WDR41: variants seen among roughly 807,000 people sequenced by gnomAD.
The protein encoded by WDR41 is WD repeat domain 41.
In WDR41, 63 loss-of-function variants were observed where a neutral mutation model predicts 69.3. The observed-to-expected ratio is 0.91, with a 90% CI of 0.74 to 1.12. The LOEUF is 1.12. Ranked by LOEUF, WDR41 falls within the 50% of genes most tolerant of loss-of-function variation. The probability of loss-of-function intolerance (pLI) is 0.00; values close to 1 mark genes in which losing one functional copy is unlikely to be tolerated. For missense variants in WDR41, 543 were observed against 534.5 expected (o/e 1.02, Z -0.16); for synonymous variants, 185 against 192.1 (o/e 0.96, Z 0.31).
chr5:77,510,097 C>A (rs1311154058), intron 1 of WDR41, among the ~76,000 whole-genome samples: 1 of 152,138 alleles, frequency 6.6e-6, no homozygotes, highest in Non-Finnish European at 1.5e-5. Flanking sequence ...AAAGACATAC[C>A]CAAGACTGGG....
rs139808711 is a variant in WDR41 at position 77,459,841 on chromosome 5, TTTA to T, written c.349-720_349-718del. ...CATGGCCAATGCCTTTTGTTATATT[TTTA>T]TTATACAGATGTGCCTTGACTTAAA... On this transcript the variant is annotated intron_variant, in intron 4 of 12. Transcript: ENST00000296679. Among the ~76,000 whole-genome samples, 1,295 of 152,352 alleles carry T rather than the reference TTTA, an allele frequency of 8.5e-3. 14 individuals carry two copies. Among genetic ancestry groups the T allele is most frequent in the African/African-American group, 0.03 (1,251 of 41,588 alleles).
intron 1 of WDR41, among the ~76,000 whole-genome samples, chr5:77,591,673 GT>G (rs1400316159): frequency 6.6e-6 from 1 of 152,030 alleles, no homozygotes; most frequent in East Asian, 1.9e-4. Flanking sequence ...TACAGAAAAT[GT>G]TATCCAATTT....
At chr5:77,531,923 A>C in intron 1 of WDR41, among the ~76,000 whole-genome samples, 1 of 152,024 alleles carries the variant, frequency 6.6e-6, no homozygotes, top group Non-Finnish European at 1.5e-5. Context: ...AACAGAAAGG[A>C]GATCAGTAGT....
At chr5:77,433,320 C>A in intron 12 of WDR41, 33 bp from the exon 13 acceptor site, 1 of 1,596,926 alleles carries the variant, frequency 6.3e-7, no homozygotes, top group Non-Finnish European at 8.5e-7. Flanking sequence ...TTATAGGGAC[C>A]CCGAAAAGCA....
intron 1 of WDR41, among the ~76,000 whole-genome samples, chr5:77,573,022 A>T (rs1052089391): frequency 6.6e-6 from 1 of 152,182 alleles, no homozygotes; most frequent in Non-Finnish European, 1.5e-5. Context: ...GTAAAAGAGC[A>T]TGTACTCATT....
chr5:77,551,849 G>C (rs528667704), intron 1 of WDR41, among the ~76,000 whole-genome samples: 1 of 150,068 alleles, frequency 6.7e-6, no homozygotes, highest in Non-Finnish European at 1.5e-5. Context: ...GTGGTGGCAC[G>C]AGCCTGTAAT....
intron 2 of WDR41, 22 bp from the exon 3 acceptor site, chr5:77,464,831 A>AT (rs777630042): frequency 1.1e-5 from 18 of 1,575,424 alleles, no homozygotes; most frequent in Non-Finnish European, 1.5e-5. Context: ...GAAAGGGTCA[A>AT]GAAAAAAAAA....
At position 77,432,738 on chromosome 5, in the gene WDR41, A is replaced by G. The variant is rs1486122044; in HGVS notation, c.*397T>C. 6.4e-6 allele frequency: 1 copy of G among 157,096 alleles called. No individual in the cohort carries two copies. The highest frequency in any genetic ancestry group is 1.4e-5 in the Non-Finnish European group (1 of 71,634). The allele number at this position is 157,096 out of a possible 1,614,324, so 9.7% of individuals were successfully genotyped here. On this transcript the variant is annotated 3_prime_UTR_variant, in exon 13 of 13. Coordinates refer to ENST00000296679, the MANE Select transcript of WDR41 (RefSeq NM_018268.4). ...ACTAACAGTTACTAAAGACTAGGAA[A>G]ATTTGCAGGAGAAAGGCTATTTTTA...
intron 1 of WDR41, among the ~76,000 whole-genome samples, chr5:77,619,941 G>A (rs759039604): frequency 6.6e-6 from 1 of 152,098 alleles, no homozygotes; most frequent in Non-Finnish European, 1.5e-5. Context: ...GATGTTTAAA[G>A]AGGGGACACT....
At chr5:77,439,234 A>G (rs1163547157) in intron 9 of WDR41, among the ~76,000 whole-genome samples, 1 of 152,146 alleles carries the variant, frequency 6.6e-6, no homozygotes, top group Non-Finnish European at 1.5e-5. Context: ...AAATATCCCT[A>G]CATATTGCCT....
At position 77,575,708 on chromosome 5, in the gene WDR41, CTG is replaced by C. The variant is rs535935757; in HGVS notation, c.42+44769_42+44770del. ...CAGGAAAAATGCTATCCTTTTTTTT[CTG>C]TGTGTCATGATGTAGAAAAACACTG... On this transcript the variant is annotated intron_variant, in intron 1 of 5. Transcript: ENST00000509971. Among the ~76,000 whole-genome samples the C allele has an allele frequency of 5.9e-5, 9 of 152,122 alleles. No homozygotes were observed. The East Asian group carries it at 1.5e-3, about 26-fold the overall frequency.
At chr5:77,591,739 G>C (rs754779081) in intron 1 of WDR41, among the ~76,000 whole-genome samples, 1 of 152,054 alleles carries the variant, frequency 6.6e-6, no homozygotes, top group Non-Finnish European at 1.5e-5. Flanking sequence ...CTTTAATTCT[G>C]CAACGGTCAG....
intron 1 of WDR41, among the ~76,000 whole-genome samples, chr5:77,587,470 C>T (rs1045312288): frequency 6.6e-6 from 1 of 152,156 alleles, no homozygotes; most frequent in Non-Finnish European, 1.5e-5. Flanking sequence ...ACCAGCAGTA[C>T]GACAGTTCCC....
chr5:77,493,661 C>G (rs1193935836), upstream of WDR41, among the ~76,000 whole-genome samples: 2 of 152,202 alleles, frequency 1.3e-5, no homozygotes, highest in African/African-American at 4.8e-5. Flanking sequence ...CAGTTGAAGA[C>G]AGACCAAAAC....
chr5:77,492,084 G>C (rs1386465260), intron 1 of WDR41, 86 bp downstream of exon 1: 9 of 1,517,376 alleles, frequency 5.9e-6, no homozygotes, highest in Admixed American at 1.8e-5. Context: ...GGGTCCCCGC[G>C]GTCGGAACCC....
rs1399877131 is a variant in WDR41, at chr5:77,433,055, T to G, written c.*80A>C. ...CAAAAAAAATTACCAATTTAAGTGA[T>G]CAATATATTAATGGTTTTCAGAGTA... On this transcript the variant is annotated 3_prime_UTR_variant, in exon 13 of 13. Transcript: ENST00000296679. The G allele has an allele frequency of 1.9e-5, 27 of 1,403,890 alleles. 1 individual carries two copies. In the South Asian group the frequency reaches 4.5e-4, roughly 23 times the overall value. The allele number at this position is 1,403,890 out of a possible 1,614,324, so 87.0% of individuals were successfully genotyped here.
At chr5:77,478,696 A>G (rs1448110770) in intron 2 of WDR41, among the ~76,000 whole-genome samples, 1 of 152,052 alleles carries the variant, frequency 6.6e-6, no homozygotes, top group Non-Finnish European at 1.5e-5. Flanking sequence ...AGAGCTATCT[A>G]TGACAAACCC....
intron 1 of WDR41, among the ~76,000 whole-genome samples, chr5:77,576,139 C>T (rs894398607): frequency 2.0e-5 from 3 of 152,122 alleles, no homozygotes; most frequent in Admixed American, 1.3e-4. Flanking sequence ...TGACAAAACG[C>T]ACCCTTACTC....
intron 2 of WDR41, among the ~76,000 whole-genome samples, chr5:77,470,580 G>A (rs1478419437): frequency 6.6e-6 from 1 of 152,074 alleles, no homozygotes; most frequent in Non-Finnish European, 1.5e-5. Flanking sequence ...AGGGATAGAG[G>A]AAGATCTACC....
Sources: gnomAD v4.1 joint callset for allele counts (sites outside exome capture counted in the v4.1 genomes callset) on GRCh38, gnomAD v4.1.1 for gene constraint, MANE v1.5 for transcripts, NCBI Gene and HGNC (gene_info 2026-07-23, HGNC 2026-07-21) for gene names.